The following TBC1D5 variants were observed in gnomAD, a reference collection of about 807,000 sequenced individuals.
TBC1D5 encodes the protein TBC1 domain family, member 5.
TBC1D5 carries 75 observed loss-of-function variants against 100.3 expected under a neutral mutation model. The observed-to-expected ratio is 0.75, with a 90% confidence interval of 0.62 to 0.91. The LOEUF is 0.91. Ranked by LOEUF, TBC1D5 falls within the 40% of genes least tolerant of loss-of-function variation. TBC1D5 has a pLI of 0.00. For synonymous variants in TBC1D5, 323 were observed against 325.6 expected (o/e 0.99, Z 0.09); for missense variants, 910 against 942.4 (o/e 0.97, Z 0.45).
chr3:17,458,513 C>T (rs2095138065), intron 3 of TBC1D5, among the ~76,000 whole-genome samples: 1 of 152,150 alleles, frequency 6.6e-6, no homozygotes, highest in Admixed American at 6.5e-5. Flanking sequence ...GATATTCATC[C>T]TTTCTCATCA....
chr3:17,178,104 C>T (rs142955683), intron 19 of TBC1D5, among the ~76,000 whole-genome samples: 4,859 of 136,650 alleles, frequency 0.036, 269 homozygotes, highest in African/African-American at 0.13. Flanking sequence ...CTCGCTCTGT[C>T]GCCCAGGCTG....
chr3:17,231,156 C>A (rs1315870619), intron 17 of TBC1D5, among the ~76,000 whole-genome samples: 2 of 152,022 alleles, frequency 1.3e-5, no homozygotes, highest in East Asian at 1.9e-4. Context: ...TAACATATGT[C>A]TTGTGTGTGT....
chr3:17,612,174 C>T (rs1030643356), intron 2 of TBC1D5, among the ~76,000 whole-genome samples: 5 of 151,562 alleles, frequency 3.3e-5, no homozygotes, highest in African/African-American at 1.2e-4. Flanking sequence ...GTGGTGTGTA[C>T]CTGTAGTCCC....
chr3:17,301,126 T>C (rs1192622498), intron 14 of TBC1D5, among the ~76,000 whole-genome samples: 13 of 151,512 alleles, frequency 8.6e-5, no homozygotes. Flanking sequence ...TAGCTATTAA[T>C]GCAATTTACA....
intron 2 of TBC1D5, among the ~76,000 whole-genome samples, chr3:17,606,075 C>T (rs1046970389): frequency 6.6e-6 from 1 of 152,156 alleles, no homozygotes; most frequent in Non-Finnish European, 1.5e-5. Context: ...GCCCACACCT[C>T]CCCTTCTCCT....
rs1054194772 is a variant in TBC1D5 at position 17,446,463 on chromosome 3, TA to T, written c.98-17945del. Among the ~76,000 whole-genome samples, 749 of 146,184 alleles carry T rather than the reference TA, an allele frequency of 5.1e-3. 2 individuals carry two copies. The highest frequency in any genetic ancestry group is 0.015 in the African/African-American group (615 of 40,248). On this transcript the variant is annotated intron_variant, in intron 3 of 21. Coordinates refer to ENST00000253692, the Ensembl canonical transcript of TBC1D5. ...ACATATTGACACCATTCACTGAGATTAAAAAAAAAAATAGGAGAGGAGTTTG... is the reference window on the plus strand; with the variant it reads ...ACATATTGACACCATTCACTGAGATTAAAAAAAAAATAGGAGAGGAGTTTG...
chr3:17,287,039 A>C (rs1284672220), intron 15 of TBC1D5, among the ~76,000 whole-genome samples: 1 of 152,220 alleles, frequency 6.6e-6, no homozygotes, highest in African/African-American at 2.4e-5. Flanking sequence ...ATTTTAAATA[A>C]TTCTGATATA....
intron 3 of TBC1D5, among the ~76,000 whole-genome samples, chr3:17,456,348 C>G (rs1035175659): frequency 6.6e-6 from 1 of 152,034 alleles, no homozygotes; most frequent in Non-Finnish European, 1.5e-5. Context: ...AAAAAATGAA[C>G]AAAGTGAAGA....
intron 14 of TBC1D5, among the ~76,000 whole-genome samples, chr3:17,294,915 C>G (rs1179793397): frequency 6.6e-6 from 1 of 152,142 alleles, no homozygotes; most frequent in Non-Finnish European, 1.5e-5. Flanking sequence ...TAAAAACAAA[C>G]TAGTAAGGAT....
intron 1 of TBC1D5, among the ~76,000 whole-genome samples, chr3:17,663,941 AT>A (rs954706903): frequency 1.3e-5 from 2 of 152,202 alleles, no homozygotes; most frequent in Admixed American, 1.3e-4. Flanking sequence ...AAAAAATCCC[AT>A]TTTTCATATA....
At chr3:17,698,736 T>C (rs1213293442) in intron 1 of TBC1D5, among the ~76,000 whole-genome samples, 5 of 150,510 alleles carry the variant, frequency 3.3e-5, no homozygotes, top group African/African-American at 7.3e-5. Context: ...GGGCAAAGGA[T>C]ATGAACCGAC....
intron 2 of TBC1D5, among the ~76,000 whole-genome samples, chr3:17,548,783 C>T (rs775159849): frequency 1.3e-5 from 2 of 152,190 alleles, no homozygotes; most frequent in Admixed American, 6.5e-5. Flanking sequence ...TCTGGGCTAA[C>T]ATAATAAAGA....
chr3:17,486,096 T>A (rs931065740), intron 3 of TBC1D5, among the ~76,000 whole-genome samples: 1 of 152,132 alleles, frequency 6.6e-6, no homozygotes, highest in Non-Finnish European at 1.5e-5. Flanking sequence ...TGGCCAGTGA[T>A]GATGAGCATT....
chr3:17,272,192 C>T (rs539592248), intron 15 of TBC1D5, among the ~76,000 whole-genome samples: 1 of 152,280 alleles, frequency 6.6e-6, no homozygotes, highest in South Asian at 2.1e-4. Flanking sequence ...TTTTTCTAGA[C>T]TGTACTACTT....
chr3:17,333,048 A>G (rs2087096946), intron 13 of TBC1D5: 1 of 152,234 alleles, frequency 6.6e-6, no homozygotes, highest in South Asian at 2.1e-4. Context: ...TAGCATGTTC[A>G]TATGCTACAA....
At chr3:17,436,045 G>C (rs1273050992) in intron 3 of TBC1D5, among the ~76,000 whole-genome samples, 1 of 152,174 alleles carries the variant, frequency 6.6e-6, no homozygotes, top group Non-Finnish European at 1.5e-5. Context: ...GCTTTTAAGA[G>C]AACAAATACA....
In TBC1D5 at chr3:17,703,762, A is replaced by C. The variant is rs776172190; in HGVS notation, c.-101+35581T>G. 1.3e-5 allele frequency among the ~76,000 whole-genome samples: 2 copies of C among 152,184 alleles called. 1 individual carries two copies. Among genetic ancestry groups the C allele is most frequent in the Non-Finnish European group, 2.9e-5 (2 of 68,032 alleles). On this transcript the variant is annotated intron_variant, in intron 1 of 21. Coordinates refer to ENST00000253692, the Ensembl canonical transcript of TBC1D5. Reference sequence around the variant, plus strand: ...ACCTCATACATATGAGAGTCTGGGAATAGAACCCAAAATTGCTATAGTGTC... The same window carrying C: ...ACCTCATACATATGAGAGTCTGGGACTAGAACCCAAAATTGCTATAGTGTC...
chr3:17,466,362 TTAGA>T (rs1369957542), intron 3 of TBC1D5, among the ~76,000 whole-genome samples: 1 of 152,184 alleles, frequency 6.6e-6, no homozygotes, highest in Non-Finnish European at 1.5e-5. Context: ...AAAAAAATAT[TTAGA>T]TAGGAAAATA....
chr3:17,236,051 G>C (rs1246806221), intron 17 of TBC1D5, among the ~76,000 whole-genome samples: 1 of 152,100 alleles, frequency 6.6e-6, no homozygotes, highest in Non-Finnish European at 1.5e-5. Flanking sequence ...TTGCTTAAGT[G>C]CTCTGTTGTC....
Sources: gnomAD v4.1 joint callset for allele counts (sites outside exome capture counted in the v4.1 genomes callset) on GRCh38, gnomAD v4.1.1 for gene constraint, MANE v1.5 for transcripts, NCBI Gene and HGNC (gene_info 2026-07-23, HGNC 2026-07-21) for gene names.